HS6ST3: variants seen among roughly 807,000 people sequenced by gnomAD.
HS6ST3 encodes the protein heparan sulfate 6-O-sulfotransferase 3.
A neutral mutation model predicts 36.7 loss-of-function variants in HS6ST3; 12 were observed. That is an observed-to-expected ratio of 0.33 (90% CI 0.21 to 0.53). HS6ST3 has a LOEUF of 0.53. Ranked by LOEUF, HS6ST3 falls within the 20% of genes least tolerant of loss-of-function variation. HS6ST3 has a pLI of 0.95. For synonymous variants in HS6ST3, 240 were observed against 257.5 expected (o/e 0.93, Z 0.65); for missense variants, 584 against 640.9 (o/e 0.91, Z 0.96).
At chr13:96,215,146 G>A (rs1730177240) in intron 1 of HS6ST3, among the ~76,000 whole-genome samples, 1 of 152,156 alleles carries the variant, frequency 6.6e-6, no homozygotes, top group Admixed American at 6.5e-5. Flanking sequence ...TTATCTCTGT[G>A]TTATAGTGTC....
At chr13:96,678,139 C>T (rs989113490) in intron 1 of HS6ST3, among the ~76,000 whole-genome samples, 1 of 152,046 alleles carries the variant, frequency 6.6e-6, no homozygotes, top group Non-Finnish European at 1.5e-5. Flanking sequence ...AGCAAAAAAG[C>T]AAGAGGGGAA....
rs1048119133 is a variant in HS6ST3, at chr13:96,416,209, T to C, written c.707+324640T>C. On this transcript the variant is annotated intron_variant, in intron 1 of 1. Transcript: ENST00000376705. The stretch of plus-strand genomic sequence containing the variant: ...TTTTCAGAGCAGTCCTTAGCTTTTT[T>C]AGTTAGTGGCAAAATGGCACCTGGC... Among the ~76,000 whole-genome samples the C allele has an allele frequency of 5.3e-5, 8 of 152,366 alleles. No individual in the cohort carries two copies. The East Asian group carries it at 5.8e-4, about 11-fold the overall frequency.
At chr13:96,386,471 C>T (rs1164066518) in intron 1 of HS6ST3, among the ~76,000 whole-genome samples, 1 of 151,926 alleles carries the variant, frequency 6.6e-6, no homozygotes, top group Non-Finnish European at 1.5e-5. Flanking sequence ...TTGTTCTTTT[C>T]CCCCCAGCTT....
At chr13:96,195,450 G>A (rs1267600667) in intron 1 of HS6ST3, among the ~76,000 whole-genome samples, 2 of 152,118 alleles carry the variant, frequency 1.3e-5, no homozygotes, top group African/African-American at 4.8e-5. Context: ...GGTCCCAGTG[G>A]CATGCTTAAT....
At chr13:96,701,870 G>A (rs1594840135) in intron 1 of HS6ST3, among the ~76,000 whole-genome samples, 1 of 152,298 alleles carries the variant, frequency 6.6e-6, no homozygotes, top group Non-Finnish European at 1.5e-5. Context: ...GCTGAGGTGG[G>A]AGGATCACTC....
intron 1 of HS6ST3, among the ~76,000 whole-genome samples, chr13:96,115,907 A>G (rs147706189): frequency 0.011 from 1,604 of 152,218 alleles, 37 homozygotes; most frequent in African/African-American, 0.036. Context: ...GCCAGCATCA[A>G]TTGTTTCTTG....
chr13:96,313,019 A>G (rs369977280), intron 1 of HS6ST3, among the ~76,000 whole-genome samples: 4 of 150,112 alleles, frequency 2.7e-5, no homozygotes, highest in African/African-American at 9.8e-5. Flanking sequence ...TTTTAGTATT[A>G]TGTAGTTATC....
intron 1 of HS6ST3, among the ~76,000 whole-genome samples, chr13:96,348,491 A>G (rs55970990): frequency 0.016 from 2,447 of 152,322 alleles, 27 homozygotes; most frequent in Non-Finnish European, 0.025. Context: ...TTGCGACATA[A>G]ATGGCAAATA....
intron 1 of HS6ST3, among the ~76,000 whole-genome samples, chr13:96,831,073 A>G (rs923888810): frequency 4.6e-5 from 7 of 152,196 alleles, no homozygotes; most frequent in Admixed American, 2.0e-4. Flanking sequence ...AATCATGGAA[A>G]GGATTGTCCT....
intron 1 of HS6ST3, among the ~76,000 whole-genome samples, chr13:96,586,587 T>C (rs1296451433): frequency 6.6e-6 from 1 of 152,184 alleles, no homozygotes; most frequent in Non-Finnish European, 1.5e-5. Context: ...TTAGCCACCA[T>C]ACCTGGCCTT....
intron 1 of HS6ST3, among the ~76,000 whole-genome samples, chr13:96,459,100 TAAAAAAAAAAAAA>T (rs747439262): frequency 1.6e-5 from 1 of 63,884 alleles, no homozygotes; most frequent in Non-Finnish European, 2.7e-5. Context: ...CAAGACTGTC[TAAAAAAAAAAAAA>T]AAAAAAAAAA....
intron 1 of HS6ST3, among the ~76,000 whole-genome samples, chr13:96,587,247 A>G (rs1420083899): frequency 1.3e-5 from 2 of 149,298 alleles, no homozygotes; most frequent in Admixed American, 1.3e-4. Context: ...TTATTTATTT[A>G]TTTTTTTTGC....
intron 1 of HS6ST3, among the ~76,000 whole-genome samples, chr13:96,792,781 A>G (rs563571912): frequency 2.0e-4 from 30 of 152,166 alleles, no homozygotes; most frequent in Non-Finnish European, 4.1e-4. Flanking sequence ...GCAATGTGGC[A>G]GCCTGGCAGT....
intron 1 of HS6ST3, among the ~76,000 whole-genome samples, chr13:96,237,199 C>T (rs1300208619): frequency 6.6e-6 from 1 of 152,206 alleles, no homozygotes; most frequent in Non-Finnish European, 1.5e-5. Flanking sequence ...TGGGTGGGAA[C>T]ACAGCCAAAT....
At chr13:96,454,043 C>A (rs972322927) in intron 1 of HS6ST3, among the ~76,000 whole-genome samples, 10 of 152,220 alleles carry the variant, frequency 6.6e-5, no homozygotes, top group South Asian at 2.1e-4. Context: ...AGAATCTCTC[C>A]CTTCTCCCTC....
intron 1 of HS6ST3, among the ~76,000 whole-genome samples, chr13:96,349,437 A>G (rs2055171518): frequency 6.6e-6 from 1 of 152,130 alleles, no homozygotes; most frequent in Non-Finnish European, 1.5e-5. Context: ...TTTCCAAACA[A>G]TTCTCTCCAA....
chr13:96,760,438 G>A (rs1021541244), intron 1 of HS6ST3, among the ~76,000 whole-genome samples: 3 of 151,682 alleles, frequency 2.0e-5, no homozygotes, highest in Admixed American at 6.6e-5. Context: ...ACCAACTTAG[G>A]CACATGATTG....
intron 1 of HS6ST3, among the ~76,000 whole-genome samples, chr13:96,608,966 T>C (rs1188501196): frequency 6.6e-6 from 1 of 151,956 alleles, no homozygotes; most frequent in Non-Finnish European, 1.5e-5. Flanking sequence ...TATTTATTTA[T>C]TTATATTTAT....
At chr13:96,473,293 A>T (rs75951629) in intron 1 of HS6ST3, among the ~76,000 whole-genome samples, 3,689 of 152,314 alleles carry the variant, frequency 0.024, 169 homozygotes, top group African/African-American at 0.083. Context: ...AAGGGTGATG[A>T]GTGTAGCCAC....
Sources: allele counts gnomAD v4.1 joint callset (sites outside exome capture counted in the v4.1 genomes callset), GRCh38; gene constraint gnomAD v4.1.1; transcripts MANE v1.5; gene names NCBI Gene and HGNC (gene_info 2026-07-23, HGNC 2026-07-21).